SLC9C2: variants seen among roughly 807,000 people sequenced by gnomAD.
SLC9C2 encodes the protein sodium/hydrogen exchanger 11.
SLC9C2 carries 75 observed loss-of-function variants against 140.2 expected under a neutral mutation model. That is an observed-to-expected ratio of 0.53 (90% CI 0.44 to 0.65). The LOEUF is 0.65. SLC9C2 is among the 30% of genes least tolerant of loss of function. The pLI, the probability that SLC9C2 is intolerant of heterozygous loss-of-function variation, is 0.00. For missense variants in SLC9C2, 1,074 were observed against 1,331.8 expected (o/e 0.81, Z 3.01); for synonymous variants, 375 against 420.9 (o/e 0.89, Z 1.34).
At chr1:173,518,131 C>A (rs938670185) in intron 22 of SLC9C2, among the ~76,000 whole-genome samples, 3 of 152,024 alleles carry the variant, frequency 2.0e-5, no homozygotes, top group Admixed American at 2.0e-4. Context: ...AGCATGGTGA[C>A]GCATACTTGT....
At chr1:173,594,057 G>A (rs949964652) in intron 4 of SLC9C2, among the ~76,000 whole-genome samples, 3 of 152,170 alleles carry the variant, frequency 2.0e-5, no homozygotes, top group African/African-American at 2.4e-5. Flanking sequence ...ACAGAAGAAT[G>A]ACAATTAGAT....
chr1:173,548,046 C>A (rs1309164923), intron 12 of SLC9C2, among the ~76,000 whole-genome samples: 1 of 152,184 alleles, frequency 6.6e-6, no homozygotes, highest in African/African-American at 2.4e-5. Context: ...TCTAAATCAG[C>A]CCATGTTTTC....
Position 173,535,946 on chromosome 1 carries a change from G to T in SLC9C2, c.1659C>A (p.Phe553Leu). ...AKCYYSIQGKFMSIYDVSTYM... is the reference protein window; with the variant it reads ...AKCYYSIQGKLMSIYDVSTYM... The stretch of plus-strand genomic sequence containing the variant: ...AAGTTGAAACATCATAAATACTCAT[G>T]AATCTAACAGAGAAAAATGTACATA... Residue 553 changes from phenylalanine to leucine, a missense_variant, in exon 15 of 28, where the codon TTC becomes TTA. Transcript: ENST00000367714. 1 of 1,499,298 alleles carries T rather than the reference G, an allele frequency of 6.7e-7. No individual in the cohort carries two copies. Among genetic ancestry groups the T allele is most frequent in the South Asian group, 1.2e-5 (1 of 82,502 alleles). The allele number at this position is 1,499,298 out of a possible 1,614,324, so 92.9% of individuals were successfully genotyped here. A position where few individuals can be genotyped will look rare whatever the true frequency, so the allele number is the denominator to read the frequency against.
At chr1:173,582,528 C>T (rs986348311) in intron 6 of SLC9C2, among the ~76,000 whole-genome samples, 4 of 152,120 alleles carry the variant, frequency 2.6e-5, no homozygotes, top group Non-Finnish European at 5.9e-5. Flanking sequence ...TCCTAAATGA[C>T]AAAAATTGTC....
At chr1:173,533,937 C>G in intron 16 of SLC9C2, 140 bp from the exon 17 acceptor site, 1 of 949,968 alleles carries the variant, frequency 1.1e-6, no homozygotes. Context: ...CATTTGGAAT[C>G]CCCCCAAAAA....
chr1:173,540,442 G>A (rs1422868268), intron 13 of SLC9C2, among the ~76,000 whole-genome samples: 1 of 152,184 alleles, frequency 6.6e-6, no homozygotes, highest in Non-Finnish European at 1.5e-5. Context: ...ATCAATTGTG[G>A]AGAGCCTCCA....
At chr1:173,537,343 T>C (rs573407947) in intron 13 of SLC9C2, among the ~76,000 whole-genome samples, 11 of 152,200 alleles carry the variant, frequency 7.2e-5, no homozygotes, top group African/African-American at 1.9e-4. Flanking sequence ...GGGGGATCAC[T>C]TGAGTCCAGG....
chr1:173,502,147 C>T (rs2101875183), intron 27 of SLC9C2, among the ~76,000 whole-genome samples: 1 of 152,026 alleles, frequency 6.6e-6, no homozygotes, highest in South Asian at 2.1e-4. Context: ...GTGGCATGTG[C>T]CTGTAGTCCC....
intron 5 of SLC9C2, among the ~76,000 whole-genome samples, chr1:173,586,953 C>G (rs557146790): frequency 2.6e-5 from 4 of 151,932 alleles, no homozygotes; most frequent in African/African-American, 4.8e-5. Flanking sequence ...ACACATATAC[C>G]TATGTAACAA....
At chr1:173,569,229 GCTCA>G (rs1460969598) in intron 9 of SLC9C2, among the ~76,000 whole-genome samples, 1 of 151,758 alleles carries the variant, frequency 6.6e-6, no homozygotes, top group Admixed American at 6.6e-5. Flanking sequence ...CTGTCTTCAG[GCTCA>G]CTAATTCTTT....
At chr1:173,529,869 G>T in intron 18 of SLC9C2, 36 bp downstream of exon 18, 1 of 1,583,940 alleles carries the variant, frequency 6.3e-7, no homozygotes, top group Non-Finnish European at 8.5e-7. Flanking sequence ...CACCTAAGGG[G>T]TTTTTCTCCC....
intron 7 of SLC9C2, among the ~76,000 whole-genome samples, chr1:173,580,513 G>A (rs919370256): frequency 2.0e-5 from 3 of 152,062 alleles, no homozygotes; most frequent in African/African-American, 7.2e-5. Flanking sequence ...CAGCACACCT[G>A]GCTAATTTTT....
At chr1:173,566,333 T>A (rs912214024) in intron 9 of SLC9C2, among the ~76,000 whole-genome samples, 9 of 152,268 alleles carry the variant, frequency 5.9e-5, no homozygotes, top group African/African-American at 2.2e-4. Context: ...GCTGGGGGAC[T>A]TTTTATTACA....
At chr1:173,518,026 C>T (rs554063541) in intron 22 of SLC9C2, among the ~76,000 whole-genome samples, 4 of 152,214 alleles carry the variant, frequency 2.6e-5, no homozygotes, top group African/African-American at 9.6e-5. Context: ...TTTGGGAGGC[C>T]AAGGCGGGCG....
rs185369795 is a variant in SLC9C2 at position 173,543,004 on chromosome 1, G to A, written c.1557+4685C>T. Among the ~76,000 whole-genome samples, 47 of 152,264 alleles carry A rather than the reference G, an allele frequency of 3.1e-4. No individual in the cohort carries two copies. In the Middle Eastern group the frequency reaches 0.01, roughly 33 times the overall value. On this transcript the variant is annotated intron_variant, in intron 13 of 27. Coordinates refer to ENST00000367714, the MANE Select transcript of SLC9C2 (RefSeq NM_178527.4). ...ATTCAACATAGTGTTGGAAGTTCTGGCCAGGGCAATCAGGCAAGAGAAAGA... is the reference window on the plus strand; with the variant it reads ...ATTCAACATAGTGTTGGAAGTTCTGACCAGGGCAATCAGGCAAGAGAAAGA...
In SLC9C2 at chr1:173,581,840, G is replaced by T. The variant is rs200826294; in HGVS notation, c.802+7C>A. The T allele has an allele frequency of 1.6e-5, 25 of 1,525,524 alleles. No homozygotes were observed. The highest frequency in any genetic ancestry group is 3.5e-4 in the Middle Eastern group (2 of 5,682). 94.5% of individuals were successfully genotyped at this position (1,525,524 alleles called of 1,614,324 possible). A position where few individuals can be genotyped will look rare whatever the true frequency, so the allele number is the denominator to read the frequency against. ...GACAGTAATTTTTGTATTTATTTCA[G>T]CCTTACCAATATAGAAAGTCATGTA... On this transcript the variant is annotated splice_region_variant and intron_variant, in intron 7 of 27. Coordinates refer to ENST00000367714, the MANE Select transcript of SLC9C2 (RefSeq NM_178527.4).
intron 4 of SLC9C2, among the ~76,000 whole-genome samples, chr1:173,590,156 T>C (rs1666074558): frequency 6.6e-6 from 1 of 151,708 alleles, no homozygotes; most frequent in South Asian, 2.1e-4. Flanking sequence ...GGCAGGAGAA[T>C]TGCTTGAACC....
intron 7 of SLC9C2, 115 bp downstream of exon 7, chr1:173,581,732 C>A: frequency 1.3e-6 from 1 of 759,636 alleles, no homozygotes; most frequent in Non-Finnish European, 2.0e-6. Flanking sequence ...TATGACAGGA[C>A]ACACAGTGGG....
At chr1:173,585,503 C>T (rs1316050861) in intron 5 of SLC9C2, among the ~76,000 whole-genome samples, 1 of 152,134 alleles carries the variant, frequency 6.6e-6, no homozygotes, top group Admixed American at 6.5e-5. Flanking sequence ...CCAGCCAACA[C>T]CCAAAACAAG....
Sources: gnomAD v4.1 joint callset for allele counts (sites outside exome capture counted in the v4.1 genomes callset) on GRCh38, gnomAD v4.1.1 for gene constraint, MANE v1.5 for transcripts, NCBI Gene and HGNC (gene_info 2026-07-23, HGNC 2026-07-21) for gene names.